The following TTLL5 variants were observed in gnomAD, a reference collection of about 807,000 sequenced individuals.
The protein encoded by TTLL5 is tubulin tyrosine ligase like 5.
TTLL5 carries 132 observed loss-of-function variants against 168.4 expected under a neutral mutation model. The ratio of observed to expected loss-of-function variants is 0.78; its 90% CI spans 0.68 to 0.91. The LOEUF is 0.91. Among genes scored for constraint, TTLL5 ranks in the 40% least tolerant of loss-of-function variants. The probability of loss-of-function intolerance (pLI) is 0.00; values close to 1 mark genes in which losing one functional copy is unlikely to be tolerated. For missense variants in TTLL5, 1,545 were observed against 1,581.5 expected, an observed-to-expected ratio of 0.98 and a Z score of 0.39; for synonymous variants, 546 against 558.6, an observed-to-expected ratio of 0.98 and a Z score of 0.32.
chr14:75,663,033 C>T, intron 1 of TTLL5, 22 bp from the exon 2 acceptor site: 1 of 821,290 alleles, frequency 1.2e-6, no homozygotes, highest in Non-Finnish European at 2.1e-6. Flanking sequence ...TCAATTGATC[C>T]AATCAAGTTG....
chr14:75,744,559 T>C (rs1379209715), intron 15 of TTLL5: 1 of 152,846 alleles, frequency 6.5e-6, no homozygotes, highest in Admixed American at 6.5e-5. Flanking sequence ...TCTGTGTTAC[T>C]GATGTCTCTC....
Position 75,863,705 on chromosome 14 carries a change from T to C in TTLL5, c.3365T>C (p.Val1122Ala). The C allele has an allele frequency of 1.2e-6, 2 of 1,612,408 alleles. No individual in the cohort carries two copies. The highest frequency in any genetic ancestry group is 1.7e-6 in the Non-Finnish European group (2 of 1,179,410). Residue 1122 changes from valine (V) to alanine (A), a missense_variant, in exon 29 of 32, where the codon GTA becomes GCA. Transcript: ENST00000298832. ...GGGGGATTTGCCTGGGAAGGAGAAG[T>C]AGAAAACAACGTGTACAGCCAGGCT... The part of the protein sequence containing the change: ...QTGGFAWEGE[V>A]ENNVYSQATG...
chr14:75,902,033 T>G, intron 30 of TTLL5, 109 bp from the exon 31 acceptor site: 1 of 883,546 alleles, frequency 1.1e-6, no homozygotes, highest in Non-Finnish European at 1.9e-6. Flanking sequence ...AGTGAGTGAA[T>G]GAGCCACAGG....
At chr14:75,756,492 G>C (rs1457843988) in intron 18 of TTLL5, among the ~76,000 whole-genome samples, 1 of 139,376 alleles carries the variant, frequency 7.2e-6, no homozygotes, top group Non-Finnish European at 1.5e-5. Context: ...ACATAAATGA[G>C]TACAAGTAAA....
chr14:75,773,907 C>A (rs868842873), intron 21 of TTLL5, among the ~76,000 whole-genome samples: 3 of 28,794 alleles, frequency 1.0e-4, no homozygotes, highest in Admixed American at 1.2e-3. Flanking sequence ...AAAAAAAATA[C>A]ATATATATAT....
intron 30 of TTLL5, chr14:75,886,643 G>A (rs891906846): frequency 1.9e-6 from 3 of 1,576,974 alleles, no homozygotes; most frequent in African/African-American, 2.7e-5. Context: ...CATTTTCCTG[G>A]TGCCAATAAT....
chr14:75,919,367 A>C (rs1157903812), intron 31 of TTLL5, among the ~76,000 whole-genome samples: 1 of 152,172 alleles, frequency 6.6e-6, no homozygotes, highest in African/African-American at 2.4e-5. Context: ...ATTTTAAAAA[A>C]GGATTTTAAT....
intron 28 of TTLL5, among the ~76,000 whole-genome samples, chr14:75,850,135 G>T (rs1033431667): frequency 6.6e-6 from 1 of 151,852 alleles, no homozygotes; most frequent in African/African-American, 2.4e-5. Flanking sequence ...GGCCGGGCAC[G>T]GTGGCTCATG....
chr14:75,722,793 G>C (rs1298449225), intron 12 of TTLL5, among the ~76,000 whole-genome samples: 1 of 152,260 alleles, frequency 6.6e-6, no homozygotes, highest in East Asian at 1.9e-4. Flanking sequence ...TGGGCTTACA[G>C]GCATGAGCTA....
chr14:75,876,956 A>G (rs141907454), intron 29 of TTLL5, among the ~76,000 whole-genome samples: 1 of 152,336 alleles, frequency 6.6e-6, no homozygotes, highest in Non-Finnish European at 1.5e-5. Flanking sequence ...AAGAAAATGT[A>G]CCTTCTCAAT....
chr14:75,753,089 A>G (rs1244436956), intron 18 of TTLL5, 134 bp downstream of exon 18: 5 of 737,260 alleles, frequency 6.8e-6, no homozygotes, highest in African/African-American at 5.3e-5. Context: ...TGTAGAAAGC[A>G]TGCTATCATG....
chr14:75,935,941 C>T (rs893074450), intron 31 of TTLL5, among the ~76,000 whole-genome samples: 3 of 152,036 alleles, frequency 2.0e-5, no homozygotes, highest in Non-Finnish European at 4.4e-5. Flanking sequence ...CAAATAGGAA[C>T]AGTTTTTAAA....
Position 75,863,911 on chromosome 14 carries a change from TAAAAAAA to T in TTLL5, c.3522+66_3522+72del, listed in dbSNP as rs76733656. Reference sequence around the variant, plus strand: ...ATGTGTTATATCTTCCTGCTGTTGGTAAAAAAAAAAAAAAAAAAAAAAAGGTCAGTGA... The same window carrying T: ...ATGTGTTATATCTTCCTGCTGTTGGTAAAAAAAAAAAAAAAAGGTCAGTGA... On this transcript the variant is annotated intron_variant, in intron 29 of 31. Transcript: ENST00000298832. The T allele has an allele frequency of 4.4e-3, 439 of 99,872 alleles. 3 individuals carry two copies. The highest frequency in any genetic ancestry group is 0.017 in the South Asian group (27 of 1,550). The allele number at this position is 99,872 out of a possible 1,614,324, so 6.2% of individuals were successfully genotyped here.
intron 22 of TTLL5, 31 bp downstream of exon 22, chr14:75,775,661 G>A: frequency 6.2e-7 from 1 of 1,612,226 alleles, no homozygotes; most frequent in Non-Finnish European, 8.5e-7. Context: ...CTTGTGCTTT[G>A]GATTGCCATA....
At chr14:75,733,965 T>A (rs1888726033) in intron 13 of TTLL5, 24 bp from the exon 14 acceptor site, 1 of 1,612,162 alleles carries the variant, frequency 6.2e-7, no homozygotes, top group East Asian at 2.2e-5. Flanking sequence ...TATCAATTGC[T>A]CTTTTCTTTC....
chr14:75,751,903 G>T (rs1000287335), intron 17 of TTLL5, among the ~76,000 whole-genome samples: 1 of 152,160 alleles, frequency 6.6e-6, no homozygotes. Flanking sequence ...CCCGAGGGCC[G>T]CTGGTTGCCC....
At chr14:75,814,693 T>C (rs775311000) in intron 27 of TTLL5, 1 of 152,248 alleles carries the variant, frequency 6.6e-6, no homozygotes, top group African/African-American at 2.4e-5. Flanking sequence ...TTTTCTTACT[T>C]AATTTAATCT....
At chr14:75,929,553 G>A (rs555171149) in intron 31 of TTLL5, among the ~76,000 whole-genome samples, 2 of 146,672 alleles carry the variant, frequency 1.4e-5, no homozygotes, top group Admixed American at 1.4e-4. Context: ...CGGGTTTCAA[G>A]CAATTCTCTC....
At chr14:75,829,535 G>T (rs1379477653) in intron 28 of TTLL5, among the ~76,000 whole-genome samples, 1 of 151,142 alleles carries the variant, frequency 6.6e-6, no homozygotes, top group Admixed American at 6.6e-5. Context: ...TCCTCAGGTT[G>T]AGTAATACTG....
Sources: allele counts gnomAD v4.1 joint callset (sites outside exome capture counted in the v4.1 genomes callset), GRCh38; gene constraint gnomAD v4.1.1; transcripts MANE v1.5; gene names NCBI Gene and HGNC (gene_info 2026-07-23, HGNC 2026-07-21).